GRM3: variants seen among roughly 807,000 people sequenced by gnomAD.
GRM3 encodes the protein glutamate metabotropic receptor 3, also known as metabotropic glutamate receptor 3.
In GRM3, 26 loss-of-function variants were observed where a neutral mutation model predicts 70.5. The observed-to-expected ratio is 0.37, with a 90% CI of 0.27 to 0.51. GRM3 has a LOEUF of 0.51. GRM3 is among the 20% of genes least tolerant of loss of function. The pLI, the probability that GRM3 is intolerant of heterozygous loss-of-function variation, is 0.93. For synonymous variants in GRM3, 443 were observed against 434.9 expected, an observed-to-expected ratio of 1.02 and a Z score of -0.23; for missense variants, 859 against 1,123.8, an observed-to-expected ratio of 0.76 and a Z score of 3.37.
At chr7:86,863,734 T>A (rs1799003261) in intron 5 of GRM3, among the ~76,000 whole-genome samples, 1 of 152,174 alleles carries the variant, frequency 6.6e-6, no homozygotes, top group African/African-American at 2.4e-5. Context: ...AAACAGTAAA[T>A]AATTTAGTAA....
chr7:86,768,014 A>T (rs574854634), intron 2 of GRM3, among the ~76,000 whole-genome samples: 2 of 152,130 alleles, frequency 1.3e-5, no homozygotes, highest in Non-Finnish European at 2.9e-5. Context: ...AACATTGATA[A>T]GGTTCTTATC....
chr7:86,847,720 C>T (rs576862937), intron 4 of GRM3, among the ~76,000 whole-genome samples: 3 of 152,170 alleles, frequency 2.0e-5, no homozygotes, highest in Non-Finnish European at 4.4e-5. Context: ...AGCATTGCTG[C>T]GAGTTCGACA....
At chr7:86,803,727 G>T (rs867922555) in intron 3 of GRM3, among the ~76,000 whole-genome samples, 4 of 151,848 alleles carry the variant, frequency 2.6e-5, no homozygotes, top group Non-Finnish European at 5.9e-5. Flanking sequence ...CCCTTTTTTC[G>T]CATCCCAAGC....
chr7:86,655,843 T>TGTGG (rs1408313252), intron 1 of GRM3, among the ~76,000 whole-genome samples: 1 of 136,422 alleles, frequency 7.3e-6, no homozygotes, highest in East Asian at 2.0e-4. Flanking sequence ...TGTGTGTGTG[T>TGTGG]GTGTGTGTGG....
chr7:86,833,150 G>A (rs1366799367), intron 3 of GRM3: 58 of 961,780 alleles, frequency 6.0e-5, no homozygotes, highest in Non-Finnish European at 7.0e-5. Flanking sequence ...GTTTCTTCAC[G>A]CCAAAGAACT....
chr7:86,829,949 T>C (rs1451378035), intron 3 of GRM3, among the ~76,000 whole-genome samples: 1 of 152,142 alleles, frequency 6.6e-6, no homozygotes, highest in Non-Finnish European at 1.5e-5. Context: ...TGAAGCACAA[T>C]AAAGCAAAGT....
intron 1 of GRM3, among the ~76,000 whole-genome samples, chr7:86,679,800 T>G (rs1238103436): frequency 6.6e-6 from 1 of 151,994 alleles, no homozygotes; most frequent in Non-Finnish European, 1.5e-5. Flanking sequence ...CGGGGAGGTT[T>G]GTTACCTAAA....
intron 1 of GRM3, among the ~76,000 whole-genome samples, chr7:86,670,803 T>G (rs896246561): frequency 2.0e-5 from 3 of 152,190 alleles, no homozygotes; most frequent in Non-Finnish European, 4.4e-5. Context: ...TAATTTACAT[T>G]TTCATGCTCA....
intron 1 of GRM3, among the ~76,000 whole-genome samples, chr7:86,703,218 A>G (rs1794984667): frequency 6.6e-6 from 1 of 151,964 alleles, no homozygotes; most frequent in Non-Finnish European, 1.5e-5. Context: ...GACTTTATTC[A>G]AAGCACAAAT....
At chr7:86,833,499 AC>A (rs1169521120) in intron 3 of GRM3, among the ~76,000 whole-genome samples, 3 of 152,162 alleles carry the variant, frequency 2.0e-5, no homozygotes, top group African/African-American at 7.2e-5. Flanking sequence ...GAGTCATTTG[AC>A]TTAGAGGCAA....
At chr7:86,690,119 A>G (rs1295853227) in intron 1 of GRM3, among the ~76,000 whole-genome samples, 1 of 152,170 alleles carries the variant, frequency 6.6e-6, no homozygotes, top group African/African-American at 2.4e-5. Flanking sequence ...TGTTTTAGAC[A>G]GATGGGTCCT....
intron 3 of GRM3, among the ~76,000 whole-genome samples, chr7:86,787,680 TTTATA>T (rs1482648390): frequency 6.6e-6 from 1 of 152,180 alleles, no homozygotes; most frequent in South Asian, 2.1e-4. Flanking sequence ...TACCAAAACA[TTTATA>T]TATTATTAAT....
chr7:86,670,706 C>T (rs1160100338), intron 1 of GRM3, among the ~76,000 whole-genome samples: 1 of 152,132 alleles, frequency 6.6e-6, no homozygotes, highest in African/African-American at 2.4e-5. Context: ...CCTAGGCTTC[C>T]ACTCTAATTT....
intron 3 of GRM3, among the ~76,000 whole-genome samples, chr7:86,806,596 G>T (rs1797798760): frequency 6.6e-6 from 1 of 152,106 alleles, no homozygotes; most frequent in African/African-American, 2.4e-5. Context: ...TGATGGGGTT[G>T]TTTGATTTTA....
At chr7:86,690,754 T>G (rs555140335) in intron 1 of GRM3, among the ~76,000 whole-genome samples, 1 of 152,186 alleles carries the variant, frequency 6.6e-6, no homozygotes, top group South Asian at 2.1e-4. Context: ...TATATTATAC[T>G]TAAAATTTGG....
At chr7:86,805,455 C>G (rs1205031346) in intron 3 of GRM3, among the ~76,000 whole-genome samples, 1 of 152,120 alleles carries the variant, frequency 6.6e-6, no homozygotes, top group African/African-American at 2.4e-5. Flanking sequence ...AACCAAAGCT[C>G]ATGTTTTACA....
At chr7:86,646,023 GA>G (rs1793463887) in intron 1 of GRM3, among the ~76,000 whole-genome samples, 1 of 65,536 alleles carries the variant, frequency 1.5e-5, no homozygotes, top group African/African-American at 5.8e-5. Flanking sequence ...GGGTGGGAGG[GA>G]GTTTAGGGGG....
At chr7:86,851,319 T>C (rs73382341) in intron 5 of GRM3, among the ~76,000 whole-genome samples, 2,756 of 152,274 alleles carry the variant, frequency 0.018, 89 homozygotes, top group African/African-American at 0.062. Context: ...TCTCTGCTAC[T>C]GGCCTGCAAA....
At chr7:86,679,792 G>A (rs771822072) in intron 1 of GRM3, among the ~76,000 whole-genome samples, 1 of 151,868 alleles carries the variant, frequency 6.6e-6, no homozygotes, top group Non-Finnish European at 1.5e-5. Context: ...AACCTGCCCG[G>A]GGAGGTTTGT....
Sources: allele counts gnomAD v4.1 joint callset (sites outside exome capture counted in the v4.1 genomes callset), GRCh38; gene constraint gnomAD v4.1.1; transcripts MANE v1.5; gene names NCBI Gene and HGNC (gene_info 2026-07-23, HGNC 2026-07-21).